Variants in GPC5 observed in about 807,000 individuals in gnomAD.
GPC5 encodes the protein glypican 5.
Under a neutral mutation model 53.9 loss-of-function variants are expected in GPC5, and 47 were observed. The ratio of observed to expected loss-of-function variants is 0.87; its 90% CI spans 0.69 to 1.11. The LOEUF (loss-of-function observed/expected upper bound fraction) is 1.11. Among genes scored for constraint, GPC5 ranks in the 50% most tolerant of loss-of-function variants. GPC5 has a pLI of 0.00. For missense variants in GPC5, 748 were observed against 713.1 expected (o/e 1.05, Z -0.56); for synonymous variants, 286 against 263.3 (o/e 1.09, Z -0.84).
chr13:91,889,517 C>T (rs1409310544), intron 5 of GPC5, among the ~76,000 whole-genome samples: 3 of 151,752 alleles, frequency 2.0e-5, no homozygotes, highest in Non-Finnish European at 2.9e-5. Context: ...AAGTATCATC[C>T]AGATGCTGTT....
intron 2 of GPC5, among the ~76,000 whole-genome samples, chr13:91,652,339 C>T (rs1004806126): frequency 3.9e-5 from 6 of 152,140 alleles, no homozygotes; most frequent in Admixed American, 3.9e-4. Context: ...TAGATCTTAG[C>T]AACCTCAGAA....
chr13:91,533,396 C>T lies in GPC5; in HGVS notation c.325+84474C>T, dbSNP rs145842712. ...ATTTTTTTATTTTCTCTATGAATCACCTTGTATTAATATTTCTGAATAAAA... is the reference window on the plus strand; with the variant it reads ...ATTTTTTTATTTTCTCTATGAATCATCTTGTATTAATATTTCTGAATAAAA... On this transcript the variant is annotated intron_variant, in intron 2 of 7. Coordinates refer to ENST00000377067, the MANE Select transcript of GPC5 (RefSeq NM_004466.6). 2.0e-4 allele frequency among the ~76,000 whole-genome samples: 31 copies of T among 152,198 alleles called. No individual in the cohort carries two copies. In the East Asian group the frequency reaches 6.0e-3, roughly 29 times the overall value.
chr13:92,693,156 C>A (rs984645406), intron 7 of GPC5, among the ~76,000 whole-genome samples: 2 of 152,066 alleles, frequency 1.3e-5, no homozygotes, highest in Non-Finnish European at 2.9e-5. Context: ...GACTATGAAC[C>A]AATTAAACCT....
At chr13:92,270,797 A>G (rs898478009) in intron 7 of GPC5, among the ~76,000 whole-genome samples, 1 of 152,228 alleles carries the variant, frequency 6.6e-6, no homozygotes, top group African/African-American at 2.4e-5. Context: ...TTCTGGGCAG[A>G]TCAAGAAAGC....
chr13:92,383,576 A>T (rs534619959), intron 7 of GPC5, among the ~76,000 whole-genome samples: 56 of 152,338 alleles, frequency 3.7e-4, no homozygotes, highest in Admixed American at 2.6e-3. Context: ...TTCTTTGATA[A>T]TATGACTATT....
chr13:91,438,088 A>T (rs1292501231), intron 1 of GPC5, among the ~76,000 whole-genome samples: 2 of 151,614 alleles, frequency 1.3e-5, no homozygotes, highest in Non-Finnish European at 2.9e-5. Flanking sequence ...AAGGTTTTTA[A>T]CTTCTTTGCC....
chr13:92,417,953 C>G (rs1304255059), intron 7 of GPC5, among the ~76,000 whole-genome samples: 3 of 152,142 alleles, frequency 2.0e-5, no homozygotes, highest in Admixed American at 2.0e-4. Flanking sequence ...GTAATATAAT[C>G]ATACAATAGA....
At chr13:91,517,982 C>T (rs1174598945) in intron 2 of GPC5, among the ~76,000 whole-genome samples, 1 of 152,124 alleles carries the variant, frequency 6.6e-6, no homozygotes, top group Non-Finnish European at 1.5e-5. Context: ...CTGGGAGATA[C>T]AATTCAAGTT....
At chr13:92,670,026 T>C (rs866920610) in intron 7 of GPC5, among the ~76,000 whole-genome samples, 6 of 152,206 alleles carry the variant, frequency 3.9e-5, no homozygotes, top group Admixed American at 1.3e-4. Flanking sequence ...TCTTAACATA[T>C]AAACTCCTAA....
chr13:91,960,441 G>T (rs530042710), intron 6 of GPC5, among the ~76,000 whole-genome samples: 1 of 151,942 alleles, frequency 6.6e-6, no homozygotes, highest in South Asian at 2.1e-4. Flanking sequence ...CAAATGGAAA[G>T]ACATCCCTTG....
At chr13:91,891,437 A>G (rs1391415548) in intron 5 of GPC5, among the ~76,000 whole-genome samples, 3 of 152,162 alleles carry the variant, frequency 2.0e-5, no homozygotes, top group Admixed American at 6.6e-5. Flanking sequence ...CCTTGGTAAT[A>G]CAACCAATGT....
chr13:92,158,067 T>C (rs1434651400), intron 7 of GPC5, among the ~76,000 whole-genome samples: 2 of 152,200 alleles, frequency 1.3e-5, no homozygotes, highest in African/African-American at 2.4e-5. Flanking sequence ...TCTTAGAAAT[T>C]ATAGCTGAGC....
intron 2 of GPC5, among the ~76,000 whole-genome samples, chr13:91,530,605 C>A (rs899753106): frequency 6.6e-6 from 1 of 152,144 alleles, no homozygotes; most frequent in Non-Finnish European, 1.5e-5. Context: ...AGAGCCAGCA[C>A]GCTCTTTTTA....
intron 7 of GPC5, among the ~76,000 whole-genome samples, chr13:92,455,358 TAC>T (rs2139403151): frequency 6.6e-6 from 1 of 152,316 alleles, no homozygotes; most frequent in South Asian, 2.1e-4. Flanking sequence ...CCTAAAGAAA[TAC>T]ATTGTATATA....
At chr13:91,506,641 T>C (rs1884959049) in intron 2 of GPC5, among the ~76,000 whole-genome samples, 1 of 152,118 alleles carries the variant, frequency 6.6e-6, no homozygotes, top group African/African-American at 2.4e-5. Flanking sequence ...TTGAAAATAC[T>C]CAAAATATCA....
chr13:92,663,199 A>G (rs1298672928), intron 7 of GPC5, among the ~76,000 whole-genome samples: 2 of 152,132 alleles, frequency 1.3e-5, no homozygotes, highest in East Asian at 1.9e-4. Flanking sequence ...TGAAATTCGG[A>G]GAATAATTTT....
At chr13:92,297,601 C>T (rs9589490) in intron 7 of GPC5, among the ~76,000 whole-genome samples, 2,441 of 151,856 alleles carry the variant, frequency 0.016, 75 homozygotes, top group African/African-American at 0.056. Context: ...ACCTGTGTGT[C>T]GAAACTCTGT....
At chr13:92,167,138 C>T (rs529566087) in intron 7 of GPC5, among the ~76,000 whole-genome samples, 1 of 152,164 alleles carries the variant, frequency 6.6e-6, no homozygotes, top group Non-Finnish European at 1.5e-5. Flanking sequence ...AAAAGTCTTA[C>T]ATCTAAGACC....
chr13:91,720,589 C>T (rs1416723111), intron 3 of GPC5, among the ~76,000 whole-genome samples: 2 of 152,144 alleles, frequency 1.3e-5, no homozygotes, highest in Non-Finnish European at 2.9e-5. Context: ...CAACTGCCTG[C>T]TGTTGAAAAC....
Sources: gnomAD v4.1 joint callset for allele counts (sites outside exome capture counted in the v4.1 genomes callset) on GRCh38, gnomAD v4.1.1 for gene constraint, MANE v1.5 for transcripts, NCBI Gene and HGNC (gene_info 2026-07-23, HGNC 2026-07-21) for gene names.